SSH2: variants seen among roughly 807,000 people sequenced by gnomAD.
SSH2 encodes the protein slingshot protein phosphatase 2.
SSH2 carries 37 observed loss-of-function variants against 135.2 expected under a neutral mutation model. That is an observed-to-expected ratio of 0.27 (90% CI 0.21 to 0.36). The LOEUF (loss-of-function observed/expected upper bound fraction) is 0.36. Ranked by LOEUF, SSH2 falls within the 10% of genes least tolerant of loss-of-function variation. SSH2 has a pLI of 1.00. For missense variants in SSH2, 1,408 were observed against 1,765.3 expected, an observed-to-expected ratio of 0.80 and a Z score of 3.63; for synonymous variants, 628 against 646.2, an observed-to-expected ratio of 0.97 and a Z score of 0.43.
At chr17:29,650,310 T>C (rs562749015) in intron 13 of SSH2, among the ~76,000 whole-genome samples, 2 of 152,332 alleles carry the variant, frequency 1.3e-5, no homozygotes, top group South Asian at 2.1e-4. Flanking sequence ...TCTGAAATAA[T>C]TTCTATGATA....
chr17:29,814,997 G>A (rs1209464569), intron 2 of SSH2, among the ~76,000 whole-genome samples: 1 of 147,398 alleles, frequency 6.8e-6, no homozygotes, highest in Non-Finnish European at 1.5e-5. Context: ...TACCCAGGCT[G>A]GAGTGCAATG....
chr17:29,890,428 A>T (rs2066327030), intron 1 of SSH2, among the ~76,000 whole-genome samples: 1 of 152,230 alleles, frequency 6.6e-6, no homozygotes, highest in South Asian at 2.1e-4. Flanking sequence ...TAGGTGGATG[A>T]AAGGATAAAA....
At chr17:29,699,212 T>C (rs2038883345) in intron 4 of SSH2, among the ~76,000 whole-genome samples, 1 of 152,240 alleles carries the variant, frequency 6.6e-6, no homozygotes, top group Non-Finnish European at 1.5e-5. Flanking sequence ...TTATAGACTT[T>C]TCATTGTTTC....
chr17:29,893,299 G>C (rs2066383873), intron 1 of SSH2, among the ~76,000 whole-genome samples: 1 of 152,040 alleles, frequency 6.6e-6, no homozygotes, highest in South Asian at 2.1e-4. Context: ...AAAAAAAAGG[G>C]GGGGTGGGGG....
At chr17:29,797,254 T>C (rs2042174718) in intron 2 of SSH2, among the ~76,000 whole-genome samples, 1 of 152,182 alleles carries the variant, frequency 6.6e-6, no homozygotes, top group Admixed American at 6.5e-5. Context: ...AACATTTCCA[T>C]CACCTCAGAA....
intron 2 of SSH2, among the ~76,000 whole-genome samples, chr17:29,838,078 CT>C (rs2042975184): frequency 1.3e-5 from 2 of 152,244 alleles, no homozygotes. Flanking sequence ...AAGGTCCCTC[CT>C]TCCCCAGCAG....
At chr17:29,829,544 C>T (rs1002002782) in intron 2 of SSH2, among the ~76,000 whole-genome samples, 3 of 152,082 alleles carry the variant, frequency 2.0e-5, no homozygotes, top group East Asian at 1.9e-4. Context: ...GTTCTTCCTT[C>T]GCTGCTGTAT....
chr17:29,868,413 C>T (rs1240123030), intron 1 of SSH2, among the ~76,000 whole-genome samples: 5 of 152,114 alleles, frequency 3.3e-5, no homozygotes, highest in African/African-American at 1.2e-4. Flanking sequence ...GGGGAACCCT[C>T]ATGGAGGCAG....
chr17:29,789,753 TC>T (rs1754055032), intron 3 of SSH2, among the ~76,000 whole-genome samples: 1 of 152,192 alleles, frequency 6.6e-6, no homozygotes, highest in Admixed American at 6.5e-5. Context: ...CTCAAGTGCA[TC>T]TGGAGAGCAG....
At chr17:29,754,947 C>G (rs1436298858) in intron 3 of SSH2, among the ~76,000 whole-genome samples, 1 of 152,228 alleles carries the variant, frequency 6.6e-6, no homozygotes, top group Admixed American at 6.5e-5. Context: ...GCGTGAGCCA[C>G]TGCACCCAGC....
At chr17:29,659,015 T>C (rs2036910312) in intron 11 of SSH2, among the ~76,000 whole-genome samples, 1 of 152,184 alleles carries the variant, frequency 6.6e-6, no homozygotes, top group South Asian at 2.1e-4. Flanking sequence ...TGCTACTTCT[T>C]ACTCATATTA....
At chr17:29,908,763 GAAAA>G (rs60242323) in intron 1 of SSH2, among the ~76,000 whole-genome samples, 11 of 50,880 alleles carry the variant, frequency 2.2e-4, no homozygotes, top group South Asian at 7.8e-4. Flanking sequence ...GACTCCATCT[GAAAA>G]AAAAAAAAAA....
rs899611903 is a variant in SSH2, at chr17:29,928,466, G to A, written c.63+1472C>T. Reference sequence around the variant, plus strand: ...GCAAAATGTTCTCCAGCCTTTGCTTGAATATTTCCAGCAATGTGCACTCAC... The same window carrying A: ...GCAAAATGTTCTCCAGCCTTTGCTTAAATATTTCCAGCAATGTGCACTCAC... On this transcript the variant is annotated intron_variant, in intron 1 of 15. Transcript: ENST00000540801. 4.1e-4 allele frequency: 164 copies of A among 398,394 alleles called. 1 individual carries two copies. The East Asian group carries it at 5.8e-3, about 14-fold the overall frequency. 24.7% of individuals were successfully genotyped at this position (398,394 alleles called of 1,614,324 possible). A position where few individuals can be genotyped will look rare whatever the true frequency, so the allele number is the denominator to read the frequency against.
intron 3 of SSH2, among the ~76,000 whole-genome samples, chr17:29,777,449 T>C (rs2041727785): frequency 6.6e-6 from 1 of 152,174 alleles, no homozygotes; most frequent in Non-Finnish European, 1.5e-5. Flanking sequence ...ACTTATAAAG[T>C]GTTATTCAGG....
intron 2 of SSH2, among the ~76,000 whole-genome samples, chr17:29,821,676 C>T (rs546676442): frequency 3.4e-5 from 5 of 148,702 alleles, no homozygotes; most frequent in Admixed American, 6.7e-5. Context: ...GGTGGAGTCT[C>T]GCTCTGTTGC....
chr17:29,890,107 C>A (rs1484005896), intron 1 of SSH2, among the ~76,000 whole-genome samples: 1 of 152,150 alleles, frequency 6.6e-6, no homozygotes, highest in Non-Finnish European at 1.5e-5. Context: ...ACCCAAACTG[C>A]AATGAGATAA....
chr17:29,806,704 G>C (rs2042351852), intron 2 of SSH2, among the ~76,000 whole-genome samples: 2 of 152,256 alleles, frequency 1.3e-5, no homozygotes, highest in South Asian at 4.1e-4. Flanking sequence ...TTTCTGATTG[G>C]TTGATGGCTA....
intron 4 of SSH2, among the ~76,000 whole-genome samples, chr17:29,701,468 GGT>G (rs1224920193): frequency 2.7e-5 from 4 of 145,976 alleles, no homozygotes; most frequent in Non-Finnish European, 6.0e-5. Context: ...GGAGTGCAGT[GGT>G]GCAAAGAGGG....
intron 2 of SSH2, among the ~76,000 whole-genome samples, chr17:29,840,168 C>T (rs2043015192): frequency 6.6e-6 from 1 of 152,208 alleles, no homozygotes. Flanking sequence ...CTCAGCAGGA[C>T]CTGCCTCAGA....
Sources: gnomAD v4.1 joint callset for allele counts (sites outside exome capture counted in the v4.1 genomes callset) on GRCh38, gnomAD v4.1.1 for gene constraint, MANE v1.5 for transcripts, NCBI Gene and HGNC (gene_info 2026-07-23, HGNC 2026-07-21) for gene names.